PCDHGA10: variants seen among roughly 807,000 people sequenced by gnomAD.
PCDHGA10 encodes protocadherin gamma-A10.
In PCDHGA10, 42 loss-of-function variants were observed where a neutral mutation model predicts 59.5. The observed-to-expected ratio is 0.71, with a 90% CI of 0.55 to 0.91. The LOEUF (loss-of-function observed/expected upper bound fraction) is 0.91. PCDHGA10 is among the 40% of genes least tolerant of loss of function. The probability of loss-of-function intolerance (pLI) is 0.00; values close to 1 mark genes in which losing one functional copy is unlikely to be tolerated. For synonymous variants in PCDHGA10, 511 were observed against 517.2 expected, an observed-to-expected ratio of 0.99 and a Z score of 0.16; for missense variants, 1,111 against 1,198.2, an observed-to-expected ratio of 0.93 and a Z score of 1.07.
intron 1 of PCDHGA10, chr5:141,419,118 T>C: frequency 6.2e-7 from 1 of 1,613,806 alleles, no homozygotes; most frequent in South Asian, 1.1e-5. Context: ...GAGTACAACG[T>C]CACCATCGCA....
intron 1 of PCDHGA10, chr5:141,423,675 T>C: frequency 1.3e-6 from 2 of 1,540,488 alleles, no homozygotes; most frequent in Non-Finnish European, 1.7e-6. Flanking sequence ...GATTTATTTC[T>C]CTGCCTCCTA....
rs556656447 is a variant in PCDHGA10 at position 141,500,319 on chromosome 5, C to CT, written c.2496-5073dup. Among the ~76,000 whole-genome samples the CT allele has an allele frequency of 2.6e-5, 4 of 152,122 alleles. No homozygotes were observed. The South Asian group carries it at 8.3e-4, about 32-fold the overall frequency. Reference sequence around the variant, plus strand: ...CGCCTCCCAGGTTCACGCCATGCTCCTGCCTCAGCCTCCAGAATAGCTGGG... The same window carrying CT: ...CGCCTCCCAGGTTCACGCCATGCTCCTTGCCTCAGCCTCCAGAATAGCTGGG... On this transcript the variant is annotated intron_variant, in intron 2 of 3. Coordinates refer to ENST00000398610, the MANE Select transcript of PCDHGA10 (RefSeq NM_018913.3).
chr5:141,486,722 G>C lies in PCDHGA10; in HGVS notation c.2437-8085G>C, dbSNP rs1235454839. The C allele has an allele frequency of 6.2e-7, 1 of 1,614,200 alleles. No homozygotes were observed. Among genetic ancestry groups the C allele is most frequent in the East Asian group, 2.2e-5 (1 of 44,874 alleles). ...CTCTCTGAACCCCCAGACAGGAGCT[G>C]TTCATGCTACTCGATCCTTTGACTA... On this transcript the variant is annotated intron_variant, in intron 1 of 3. Transcript: ENST00000398610. This position sits in a 1 kb window ranked among gnomAD's most constrained non-coding sequence, Gnocchi z 5.0.
Position 141,491,897 on chromosome 5 carries a change from C to G in PCDHGA10, c.2437-2910C>G. The stretch of plus-strand genomic sequence containing the variant: ...GATTAAGGGATGGGGCTCCGAGCAC[C>G]GGGGGTGGTGGCGACTGTGGGCGAG... On this transcript the variant is annotated intron_variant, in intron 1 of 3. Transcript: ENST00000398610. This position sits in a 1 kb window ranked among gnomAD's most constrained non-coding sequence, Gnocchi z 6.9. 7 of 1,432,534 alleles carry G rather than the reference C, an allele frequency of 4.9e-6. No homozygotes were observed. The highest frequency in any genetic ancestry group is 6.5e-6 in the Non-Finnish European group (7 of 1,082,898). 88.7% of individuals were successfully genotyped at this position (1,432,534 alleles called of 1,614,324 possible).
At chr5:141,492,500 C>G (rs2099741252) in intron 1 of PCDHGA10, among the ~76,000 whole-genome samples, 1 of 152,322 alleles carries the variant, frequency 6.6e-6, no homozygotes, top group South Asian at 2.1e-4. Flanking sequence ...GCGAGGACTC[C>G]GGAGCCTCCT....
At chr5:141,480,398 G>C (rs2099518275) in intron 1 of PCDHGA10, among the ~76,000 whole-genome samples, 1 of 149,050 alleles carries the variant, frequency 6.7e-6, no homozygotes, top group Non-Finnish European at 1.5e-5. Context: ...CATGGCAATA[G>C]AGTGAGACCC....
intron 1 of PCDHGA10, chr5:141,427,971 C>A (rs764145525): frequency 1.3e-6 from 2 of 1,593,630 alleles, no homozygotes; most frequent in Non-Finnish European, 1.7e-6. Flanking sequence ...GGTGCTGTAC[C>A]CCGCGCTGGG....
intron 1 of PCDHGA10, chr5:141,418,485 A>G (rs1216502936): frequency 6.2e-7 from 1 of 1,614,028 alleles, no homozygotes; most frequent in South Asian, 1.1e-5. Context: ...AGCGCTCACC[A>G]CTTGGTACTG....
At position 141,512,114 on chromosome 5, in the gene PCDHGA10, C is replaced by T. The variant is rs2099884080; in HGVS notation, c.*941C>T. ...TAACTAGGCTGGACCCTTCCCACTA[C>T]ATAATAGGGCTCAGCCCAGGCAGCC... On this transcript the variant is annotated 3_prime_UTR_variant, in exon 4 of 4. Coordinates refer to ENST00000398610, the MANE Select transcript of PCDHGA10 (RefSeq NM_018913.3). 2 of 152,696 alleles carry T rather than the reference C, an allele frequency of 1.3e-5. No homozygotes were observed. Among genetic ancestry groups the T allele is most frequent in the African/African-American group, 4.8e-5 (2 of 41,468 alleles). 9.5% of individuals were successfully genotyped at this position (152,696 alleles called of 1,614,324 possible).
At chr5:141,440,030 G>A (rs780807702) in intron 1 of PCDHGA10, 2 of 153,028 alleles carry the variant, frequency 1.3e-5, no homozygotes, top group African/African-American at 2.4e-5. Context: ...ACTCAGTGTC[G>A]AGGACATGCC....
At chr5:141,444,834 A>G (rs892892307) in intron 1 of PCDHGA10, among the ~76,000 whole-genome samples, 1 of 152,132 alleles carries the variant, frequency 6.6e-6, no homozygotes, top group African/African-American at 2.4e-5. Context: ...TTGTAGCTTT[A>G]TAGTAAGTCT....
At position 141,415,314 on chromosome 5, in the gene PCDHGA10, C is replaced by G. The variant is rs375384840; in HGVS notation, c.2139C>G (p.Ile713Met). 3 of 1,614,238 alleles carry G rather than the reference C, an allele frequency of 1.9e-6. No individual in the cohort carries two copies. The highest frequency in any genetic ancestry group is 1.1e-5 in the South Asian group (1 of 91,090). ...AVSCVFLAFV[I>M]VLLAHRLRRW... ...CCTGCGTCTTCCTGGCCTTCGTCATCGTGCTGCTGGCGCACAGGCTGCGGC... is the reference window on the plus strand; with the variant it reads ...CCTGCGTCTTCCTGGCCTTCGTCATGGTGCTGCTGGCGCACAGGCTGCGGC... The change falls in exon 1 of 4, where the codon ATC (isoleucine) becomes ATG (methionine). Residue 713 changes from isoleucine to methionine, a missense_variant. Coordinates refer to ENST00000398610, the MANE Select transcript of PCDHGA10 (RefSeq NM_018913.3).
In PCDHGA10 at chr5:141,491,409, G is replaced by T; in HGVS notation, c.2437-3398G>T. The T allele has an allele frequency of 6.8e-6, 11 of 1,614,118 alleles. No individual in the cohort carries two copies. Among genetic ancestry groups the T allele is most frequent in the Non-Finnish European group, 9.3e-6 (11 of 1,180,014 alleles). On this transcript the variant is annotated intron_variant, in intron 1 of 3. Coordinates refer to ENST00000398610, the MANE Select transcript of PCDHGA10 (RefSeq NM_018913.3). The surrounding 1 kb of genome is among the most constrained non-coding windows in gnomAD (Gnocchi z 6.9). ...AGTGCCTTCAGGGAAACGCAGACGG[G>T]GACGGGGGTGGAGGGCAGTGCTGCA...
chr5:141,474,557 G>A (rs1261720500), intron 1 of PCDHGA10, among the ~76,000 whole-genome samples: 1 of 152,184 alleles, frequency 6.6e-6, no homozygotes, highest in African/African-American at 2.4e-5. Context: ...AAAACTGGGG[G>A]TTTTCAGAGA....
At position 141,477,284 on chromosome 5, in the gene PCDHGA10, G is replaced by A. The variant is rs751714522; in HGVS notation, c.2437-17523G>A. 5.0e-6 allele frequency: 8 copies of A among 1,614,150 alleles called. No homozygotes were observed. The South Asian group carries it at 6.6e-5, about 13-fold the overall frequency. ...TGGCGAGAACGGGCTGGTGACCTGC[G>A]AAGTTCCACCGGGTCTCCCTTTCAG... On this transcript the variant is annotated intron_variant, in intron 1 of 3. Transcript: ENST00000398610. This position sits in a 1 kb window ranked among gnomAD's most constrained non-coding sequence, Gnocchi z 4.9.
chr5:141,423,246 G>A, intron 1 of PCDHGA10: 15 of 1,613,922 alleles, frequency 9.3e-6, no homozygotes, highest in Non-Finnish European at 1.3e-5. Context: ...CCGAAGTCCT[G>A]GCGGACCTCG....
rs201409669 is a variant in PCDHGA10 at position 141,490,703 on chromosome 5, G to A, written c.2437-4104G>A. The stretch of plus-strand genomic sequence containing the variant: ...GATCCAGACACTGGGGATAATGCCC[G>A]CCTCACCTACTCCATTGTAGGAAAT... On this transcript the variant is annotated intron_variant, in intron 1 of 3. Coordinates refer to ENST00000398610, the MANE Select transcript of PCDHGA10 (RefSeq NM_018913.3). This position sits in a 1 kb window ranked among gnomAD's most constrained non-coding sequence, Gnocchi z 5.4. 2.6e-4 allele frequency: 421 copies of A among 1,614,106 alleles called. No homozygotes were observed. Among genetic ancestry groups the A allele is most frequent in the Middle Eastern group, 6.6e-4 (4 of 6,062 alleles).
chr5:141,477,211 C>G lies in PCDHGA10; in HGVS notation c.2437-17596C>G. 2 of 1,614,154 alleles carry G rather than the reference C, an allele frequency of 1.2e-6. No individual in the cohort carries two copies. Among genetic ancestry groups the G allele is most frequent in the Non-Finnish European group, 1.7e-6 (2 of 1,180,036 alleles). On this transcript the variant is annotated intron_variant, in intron 1 of 3. Transcript: ENST00000398610. The surrounding 1 kb of genome is among the most constrained non-coding windows in gnomAD (Gnocchi z 4.9). ...TGTACAGCCCAGTACCCGAGGATGC[C>G]CCTCTGGGGACTGTCATCGCTTTGC...
At chr5:141,508,961 A>C (rs991011427) in intron 3 of PCDHGA10, among the ~76,000 whole-genome samples, 2 of 151,978 alleles carry the variant, frequency 1.3e-5, no homozygotes, top group African/African-American at 4.8e-5. Context: ...TGTCAGCGGA[A>C]TGAAAGGGCT....
Sources: gnomAD v4.1 joint callset for allele counts (sites outside exome capture counted in the v4.1 genomes callset) on GRCh38, gnomAD v4.1.1 for gene constraint, Gnocchi (gnomAD v3.1) non-coding constraint, MANE v1.5 for transcripts, NCBI Gene and HGNC (gene_info 2026-07-23, HGNC 2026-07-21) for gene names.